KCNAB1: variants seen among roughly 807,000 people sequenced by gnomAD.
The protein encoded by KCNAB1 is voltage-gated potassium channel subunit beta-1.
Under a neutral mutation model 64.6 loss-of-function variants are expected in KCNAB1, and 35 were observed. That is an observed-to-expected ratio of 0.54 (90% CI 0.41 to 0.72). KCNAB1 has a LOEUF of 0.72. Ranked by LOEUF, KCNAB1 falls within the 30% of genes least tolerant of loss-of-function variation. KCNAB1 has a pLI of 0.00. For missense variants in KCNAB1, 401 were observed against 512.9 expected (o/e 0.78, Z 2.11); for synonymous variants, 177 against 183.8 (o/e 0.96, Z 0.30).
intron 1 of KCNAB1, among the ~76,000 whole-genome samples, chr3:156,219,838 G>A (rs1715590134): frequency 6.6e-6 from 1 of 151,862 alleles, no homozygotes; most frequent in Admixed American, 6.6e-5. Flanking sequence ...ATTTACATTA[G>A]GTATTTCTCC....
chr3:156,236,768 TG>T (rs1484402887), intron 1 of KCNAB1, among the ~76,000 whole-genome samples: 1 of 152,076 alleles, frequency 6.6e-6, no homozygotes, highest in African/African-American at 2.4e-5. Context: ...TCTGTCACCA[TG>T]GTGTCTGGTT....
chr3:156,476,328 C>G (rs1355115253), intron 8 of KCNAB1, among the ~76,000 whole-genome samples: 3 of 151,994 alleles, frequency 2.0e-5, no homozygotes, highest in Admixed American at 2.0e-4. Context: ...CCCCAAAGTC[C>G]ACTGTAGCAT....
chr3:156,245,618 A>G (rs887457598), intron 1 of KCNAB1, among the ~76,000 whole-genome samples: 1 of 152,254 alleles, frequency 6.6e-6, no homozygotes, highest in Non-Finnish European at 1.5e-5. Context: ...TATTTGAAAC[A>G]TGGAAAATTA....
At chr3:156,345,581 A>C (rs188516614) in intron 1 of KCNAB1, among the ~76,000 whole-genome samples, 1 of 152,368 alleles carries the variant, frequency 6.6e-6, no homozygotes, top group East Asian at 1.9e-4. Flanking sequence ...TGCAGGGCTG[A>C]TAAGTTAGCC....
chr3:156,173,016 A>G (rs1260234318), intron 1 of KCNAB1, among the ~76,000 whole-genome samples: 1 of 152,206 alleles, frequency 6.6e-6, no homozygotes, highest in Non-Finnish European at 1.5e-5. Flanking sequence ...TTTTGCTTCT[A>G]GGGAAAGACA....
At chr3:156,224,806 T>A (rs558306209) in intron 1 of KCNAB1, among the ~76,000 whole-genome samples, 53 of 152,248 alleles carry the variant, frequency 3.5e-4, no homozygotes, top group African/African-American at 1.1e-3. Flanking sequence ...TTTACATGCA[T>A]AAACTAGAAA....
chr3:156,171,312 G>T (rs1307837638), intron 1 of KCNAB1, among the ~76,000 whole-genome samples: 4 of 151,580 alleles, frequency 2.6e-5, no homozygotes, highest in African/African-American at 9.7e-5. Flanking sequence ...GTCTATATTG[G>T]TTTCTCTCTT....
At chr3:156,214,423 T>C (rs945603033) in intron 1 of KCNAB1, among the ~76,000 whole-genome samples, 8 of 152,202 alleles carry the variant, frequency 5.3e-5, no homozygotes, top group Admixed American at 5.2e-4. Context: ...ACTGGAGAAC[T>C]GCCTGGTGTG....
intron 1 of KCNAB1, among the ~76,000 whole-genome samples, chr3:156,308,845 A>G (rs1721686985): frequency 6.6e-6 from 1 of 152,178 alleles, no homozygotes; most frequent in African/African-American, 2.4e-5. Flanking sequence ...CTGAACAGCT[A>G]TTTTTAAATG....
chr3:156,317,521 T>C (rs1033835652), intron 1 of KCNAB1, among the ~76,000 whole-genome samples: 2 of 152,052 alleles, frequency 1.3e-5, no homozygotes, highest in African/African-American at 2.4e-5. Context: ...CATTAATACG[T>C]GTGGTAATAG....
rs1165153939 is a variant in KCNAB1 at position 156,317,052 on chromosome 3, ATTC to A, written c.276-104558_276-104556del. 2.6e-5 allele frequency among the ~76,000 whole-genome samples: 4 copies of A among 152,290 alleles called. No individual in the cohort carries two copies. The South Asian group carries it at 6.2e-4, about 24-fold the overall frequency. ...TCAATAAATGTTAGTTGTTAGAATG[ATTC>A]TTCTTATTATTATTCCCATTAATAT... On this transcript the variant is annotated intron_variant, in intron 1 of 13. Coordinates refer to ENST00000490337, the MANE Select transcript of KCNAB1 (RefSeq NM_172160.3).
intron 1 of KCNAB1, among the ~76,000 whole-genome samples, chr3:156,342,585 C>CTTTTTTTTTTTTTTTTTTTTTTTATTTTT (rs60982892): frequency 1.2e-5 from 1 of 86,256 alleles, no homozygotes; most frequent in Non-Finnish European, 2.5e-5. Context: ...CTATGTGTTT[C>CTTTTTTTTTTTTTTTTTTTTTTTATTTTT]TTTTTTTTTT....
At chr3:156,438,974 A>G (rs1188579326) in intron 2 of KCNAB1, among the ~76,000 whole-genome samples, 1 of 151,926 alleles carries the variant, frequency 6.6e-6, no homozygotes, top group African/African-American at 2.4e-5. Context: ...AGGTTGTGCC[A>G]TTGCACTCCA....
chr3:156,191,635 G>T (rs1486351318), intron 1 of KCNAB1, among the ~76,000 whole-genome samples: 1 of 152,150 alleles, frequency 6.6e-6, no homozygotes, highest in Non-Finnish European at 1.5e-5. Context: ...AGCTATTGTG[G>T]TTTAAGGGCA....
intron 1 of KCNAB1, among the ~76,000 whole-genome samples, chr3:156,333,112 C>T (rs752744179): frequency 5.9e-5 from 9 of 152,104 alleles, no homozygotes; most frequent in African/African-American, 1.7e-4. Context: ...CTCACTCCTT[C>T]GTCCTGTCTT....
At chr3:156,432,424 C>T (rs1716284716) in intron 2 of KCNAB1, among the ~76,000 whole-genome samples, 1 of 152,040 alleles carries the variant, frequency 6.6e-6, no homozygotes. Flanking sequence ...CATCCTAACA[C>T]CTGGATGATG....
intron 1 of KCNAB1, among the ~76,000 whole-genome samples, chr3:156,340,575 T>C (rs1724037081): frequency 6.6e-6 from 1 of 152,176 alleles, no homozygotes; most frequent in Non-Finnish European, 1.5e-5. Flanking sequence ...TCCTAACCCA[T>C]CTTGGTTAGT....
chr3:156,418,896 T>C (rs1338059166), intron 1 of KCNAB1, among the ~76,000 whole-genome samples: 10 of 152,232 alleles, frequency 6.6e-5, no homozygotes, highest in Admixed American at 6.5e-4. Context: ...GGTGGGGACC[T>C]ATCACCACTA....
At chr3:156,310,578 C>T (rs530298319) in intron 1 of KCNAB1, among the ~76,000 whole-genome samples, 1 of 152,164 alleles carries the variant, frequency 6.6e-6, no homozygotes, top group South Asian at 2.1e-4. Flanking sequence ...CCAAGGGGGG[C>T]AGATCACGAG....
Sources: gnomAD v4.1 joint callset for allele counts (sites outside exome capture counted in the v4.1 genomes callset) on GRCh38, gnomAD v4.1.1 for gene constraint, MANE v1.5 for transcripts, NCBI Gene and HGNC (gene_info 2026-07-23, HGNC 2026-07-21) for gene names.